Variants in COL19A1 observed in about 807,000 individuals in gnomAD.
COL19A1 encodes the protein collagen type XIX alpha 1 chain, also known as collagen alpha-1(XIX) chain.
In COL19A1, 159 loss-of-function variants were observed where a neutral mutation model predicts 190.2. The observed-to-expected ratio is 0.84, with a 90% CI of 0.73 to 0.95. The LOEUF (loss-of-function observed/expected upper bound fraction) is 0.95, where lower values mean the gene tolerates loss of function less well. Ranked by LOEUF, COL19A1 falls within the 40% of genes least tolerant of loss-of-function variation. COL19A1 has a pLI of 0.00. For missense variants in COL19A1, 1,418 were observed against 1,431.9 expected (o/e 0.99, Z 0.16); for synonymous variants, 509 against 458.9 (o/e 1.11, Z -1.39).
At chr6:70,191,026 C>T (rs1009555543) in intron 48 of COL19A1, among the ~76,000 whole-genome samples, 4 of 152,130 alleles carry the variant, frequency 2.6e-5, no homozygotes, top group East Asian at 3.8e-4. Context: ...CACATTCCTT[C>T]GCCTCTTTTC....
At chr6:70,189,628 T>A (rs530266135) in intron 47 of COL19A1, among the ~76,000 whole-genome samples, 1 of 152,364 alleles carries the variant, frequency 6.6e-6, no homozygotes, top group South Asian at 2.1e-4. Context: ...ACATTACTGT[T>A]ATAAATGTTA....
intron 1 of COL19A1, among the ~76,000 whole-genome samples, chr6:69,869,293 G>A (rs1012052582): frequency 6.6e-6 from 1 of 152,236 alleles, no homozygotes; most frequent in African/African-American, 2.4e-5. Context: ...GCCAAGGAGA[G>A]ATTGGAAAGG....
In COL19A1 at chr6:70,180,650, A is replaced by T. The variant is rs1583104207; in HGVS notation, c.2775+127A>T. On this transcript the variant is annotated intron_variant, in intron 44 of 50. Coordinates refer to ENST00000620364, the MANE Select transcript of COL19A1 (RefSeq NM_001858.6). ...TCCAAGGAGTAAGAAGAATGCACAG[A>T]TGGATTTTTGATGGCAAGGGCAGGA... The T allele has an allele frequency of 5.2e-6, 5 of 970,572 alleles. No homozygotes were observed. In the Admixed American group the frequency reaches 6.2e-5, roughly 12 times the overall value. 60.1% of individuals were successfully genotyped at this position (970,572 alleles called of 1,614,324 possible).
At chr6:70,190,241 C>T in intron 47 of COL19A1, 74 bp from the exon 48 acceptor site, 1 of 1,184,842 alleles carries the variant, frequency 8.4e-7, no homozygotes, top group Non-Finnish European at 1.2e-6. Flanking sequence ...AATAGGCAAG[C>T]CAACCCAATA....
chr6:69,922,480 T>G (rs1191085925), intron 4 of COL19A1, among the ~76,000 whole-genome samples: 4 of 130,358 alleles, frequency 3.1e-5, no homozygotes, highest in Non-Finnish European at 4.7e-5. Context: ...TATTTAGGTT[T>G]TTTTTTTTTT....
intron 14 of COL19A1, among the ~76,000 whole-genome samples, chr6:70,051,974 T>G (rs34270967): frequency 0.17 from 25,973 of 151,916 alleles, 3,642 homozygotes; most frequent in African/African-American, 0.38. Context: ...AACAGCCGAA[T>G]AGATCCCATA....
intron 48 of COL19A1, among the ~76,000 whole-genome samples, chr6:70,192,997 C>G (rs1766977896): frequency 1.3e-5 from 2 of 151,918 alleles, no homozygotes; most frequent in Non-Finnish European, 2.9e-5. Context: ...GAACTTCAGT[C>G]TCTTAAGAGG....
chr6:70,022,604 T>G (rs1402906515), intron 11 of COL19A1, among the ~76,000 whole-genome samples: 1 of 152,330 alleles, frequency 6.6e-6, no homozygotes, highest in African/African-American at 2.4e-5. Context: ...CAAAATTATA[T>G]GTCACTATGA....
At chr6:69,943,969 C>T (rs1397225857) in intron 9 of COL19A1, among the ~76,000 whole-genome samples, 1 of 152,104 alleles carries the variant, frequency 6.6e-6, no homozygotes, top group Non-Finnish European at 1.5e-5. Flanking sequence ...AAGCTCTAAC[C>T]ATGGGCTATG....
chr6:70,023,388 G>T (rs1300470855), intron 11 of COL19A1, among the ~76,000 whole-genome samples: 1 of 152,080 alleles, frequency 6.6e-6, no homozygotes, highest in East Asian at 1.9e-4. Context: ...CACCGGCCTC[G>T]GCCTCCCAAA....
chr6:70,074,498 CAAAAAAAAA>C (rs368408394), intron 15 of COL19A1, among the ~76,000 whole-genome samples: 1 of 97,196 alleles, frequency 1.0e-5, no homozygotes, highest in East Asian at 3.6e-4. Flanking sequence ...GACTCCACCT[CAAAAAAAAA>C]AAAAAAAAAA....
chr6:70,107,013 T>G (rs1784019411), intron 16 of COL19A1, among the ~76,000 whole-genome samples: 1 of 152,204 alleles, frequency 6.6e-6, no homozygotes, highest in South Asian at 2.1e-4. Flanking sequence ...GTATTTCCAG[T>G]GTCTTAGGGA....
intron 2 of COL19A1, chr6:69,890,335 C>T (rs935226238): frequency 9.2e-5 from 14 of 152,252 alleles, no homozygotes; most frequent in African/African-American, 3.4e-4. Context: ...CTCTTTCCCA[C>T]TACAGATTAA....
intron 49 of COL19A1, among the ~76,000 whole-genome samples, chr6:70,206,010 G>T (rs112034905): frequency 2.4e-4 from 37 of 152,262 alleles, no homozygotes; most frequent in African/African-American, 8.7e-4. Flanking sequence ...AAGATATAAT[G>T]TTTATAGTTG....
Position 70,150,053 on chromosome 6 carries a change from G to A in COL19A1, c.2037+8G>A, listed in dbSNP as rs1380693066. On this transcript the variant is annotated splice_region_variant and intron_variant, in intron 30 of 50. Coordinates refer to ENST00000620364, the MANE Select transcript of COL19A1 (RefSeq NM_001858.6). ...GGCCCCCCAGGTGACCCGGTATGTAGACAAACCTTGTCTGATTTATGTATC... is the reference window on the plus strand; with the variant it reads ...GGCCCCCCAGGTGACCCGGTATGTAAACAAACCTTGTCTGATTTATGTATC... The A allele has an allele frequency of 6.2e-7, 1 of 1,613,344 alleles. No individual in the cohort carries two copies. Among genetic ancestry groups the A allele is most frequent in the African/African-American group, 1.3e-5 (1 of 74,868 alleles).
chr6:70,159,788 A>G (rs1040763269), intron 34 of COL19A1, among the ~76,000 whole-genome samples: 9 of 152,148 alleles, frequency 5.9e-5, no homozygotes, highest in African/African-American at 2.2e-4. Flanking sequence ...ATATATCATA[A>G]TAGTAAAAGG....
intron 14 of COL19A1, among the ~76,000 whole-genome samples, chr6:70,066,248 A>G (rs1299832807): frequency 6.6e-6 from 1 of 152,198 alleles, no homozygotes; most frequent in South Asian, 2.1e-4. Flanking sequence ...GCACATATAC[A>G]CCATGGAATA....
At chr6:70,163,239 G>A (rs980377962) in intron 35 of COL19A1, 104 bp from the exon 36 acceptor site, 19 of 988,840 alleles carry the variant, frequency 1.9e-5, no homozygotes, top group Non-Finnish European at 2.6e-5. Flanking sequence ...ATTTAATTAG[G>A]ATCAAATGAC....
chr6:70,063,953 A>G (rs1781010524), intron 14 of COL19A1, among the ~76,000 whole-genome samples: 1 of 152,200 alleles, frequency 6.6e-6, no homozygotes, highest in South Asian at 2.1e-4. Flanking sequence ...TTAATAGACC[A>G]ATAATAGGCT....
Sources: gnomAD v4.1 joint callset for allele counts (sites outside exome capture counted in the v4.1 genomes callset) on GRCh38, gnomAD v4.1.1 for gene constraint, MANE v1.5 for transcripts, NCBI Gene and HGNC (gene_info 2026-07-23, HGNC 2026-07-21) for gene names.